ZNF385D: variants seen among roughly 807,000 people sequenced by gnomAD.
The protein encoded by ZNF385D is zinc finger protein 385D, also known as zinc finger protein 659.
In ZNF385D, 15 loss-of-function variants were observed where a neutral mutation model predicts 35.8. The ratio of observed to expected loss-of-function variants is 0.42; its 90% CI spans 0.28 to 0.64. ZNF385D has a LOEUF of 0.64. Among genes scored for constraint, ZNF385D ranks in the 30% least tolerant of loss-of-function variants. The pLI is 0.23. For missense variants in ZNF385D, 474 were observed against 494.6 expected (o/e 0.96, Z 0.39); for synonymous variants, 212 against 186.8 (o/e 1.13, Z -1.10).
chr3:21,617,731 T>C (rs901014900), intron 2 of ZNF385D, among the ~76,000 whole-genome samples: 1 of 152,114 alleles, frequency 6.6e-6, no homozygotes, highest in South Asian at 2.1e-4. Context: ...TTGATGTCTA[T>C]CAAACTGTTT....
chr3:22,215,465 T>G lies in ZNF385D; in HGVS notation c.107-46430A>C, dbSNP rs144048151. ...TGGCTGCTTCAGGGGGCGGCCGTCT[T>G]TTATGGTCGAGCTGTAAGGATGAAA... On this transcript the variant is annotated intron_variant, in intron 2 of 5. Coordinates refer to the ZNF385D transcript ENST00000494108. Among the ~76,000 whole-genome samples, 13 of 152,010 alleles carry G rather than the reference T, an allele frequency of 8.6e-5. No homozygotes were observed. The East Asian group carries it at 2.3e-3, about 27-fold the overall frequency.
intron 1 of ZNF385D, among the ~76,000 whole-genome samples, chr3:21,739,667 T>G (rs1315779826): frequency 2.6e-5 from 4 of 152,198 alleles, no homozygotes; most frequent in Non-Finnish European, 5.9e-5. Flanking sequence ...TTGCCCATCA[T>G]AACAAGGGCA....
At chr3:21,630,791 A>G (rs2065258795) in intron 2 of ZNF385D, among the ~76,000 whole-genome samples, 1 of 152,152 alleles carries the variant, frequency 6.6e-6, no homozygotes, top group Non-Finnish European at 1.5e-5. Context: ...ATATCTATTG[A>G]GCACACATTA....
chr3:21,672,639 G>A (rs765673369), intron 1 of ZNF385D, among the ~76,000 whole-genome samples: 2 of 152,130 alleles, frequency 1.3e-5, no homozygotes, highest in Non-Finnish European at 2.9e-5. Flanking sequence ...AAGTGATCTG[G>A]GTTTCCCCTT....
chr3:21,706,530 C>A (rs920370743), intron 1 of ZNF385D, among the ~76,000 whole-genome samples: 2 of 152,146 alleles, frequency 1.3e-5, no homozygotes, highest in South Asian at 4.1e-4. Context: ...TTGTAGCTGG[C>A]CCCTTAACTA....
chr3:21,587,299 A>G (rs991253095), intron 2 of ZNF385D, among the ~76,000 whole-genome samples: 1 of 152,234 alleles, frequency 6.6e-6, no homozygotes, highest in Non-Finnish European at 1.5e-5. Flanking sequence ...AGTTAAAAAG[A>G]CAAGAAGTTT....
chr3:22,016,702 C>G (rs892796517), intron 3 of ZNF385D, among the ~76,000 whole-genome samples: 4 of 151,944 alleles, frequency 2.6e-5, no homozygotes, highest in Admixed American at 2.6e-4. Flanking sequence ...GGAGAGTCAT[C>G]TGGACTTCCA....
chr3:21,656,048 G>T (rs746116831), intron 2 of ZNF385D, among the ~76,000 whole-genome samples: 3 of 151,898 alleles, frequency 2.0e-5, no homozygotes, highest in Non-Finnish European at 4.4e-5. Context: ...AGGGTAGGGG[G>T]TGCTAAACTA....
At chr3:22,007,757 G>A (rs953923235) in intron 3 of ZNF385D, among the ~76,000 whole-genome samples, 16 of 151,912 alleles carry the variant, frequency 1.1e-4, no homozygotes, top group African/African-American at 3.4e-4. Flanking sequence ...ACTTGTATAA[G>A]AGCCATTTTT....
intron 3 of ZNF385D, among the ~76,000 whole-genome samples, chr3:21,903,482 T>C (rs1699517624): frequency 6.6e-6 from 1 of 152,106 alleles, no homozygotes; most frequent in African/African-American, 2.4e-5. Context: ...TCTCAGGCAG[T>C]CAAAAGGCCA....
At chr3:21,892,608 A>C (rs1172061759) in intron 3 of ZNF385D, among the ~76,000 whole-genome samples, 1 of 152,178 alleles carries the variant, frequency 6.6e-6, no homozygotes, top group Non-Finnish European at 1.5e-5. Context: ...CTACCAAAAC[A>C]AGTCCTATTT....
chr3:22,003,604 C>G (rs1489193626), intron 3 of ZNF385D, among the ~76,000 whole-genome samples: 1 of 152,130 alleles, frequency 6.6e-6, no homozygotes, highest in African/African-American at 2.4e-5. Flanking sequence ...CAGTAGCTCA[C>G]CCCTGTAATG....
intron 2 of ZNF385D, among the ~76,000 whole-genome samples, chr3:22,250,956 G>A (rs1392467875): frequency 7.9e-5 from 12 of 151,964 alleles, no homozygotes; most frequent in Non-Finnish European, 5.9e-5. Flanking sequence ...GGGTTTTCAC[G>A]TTTCTCTGCC....
chr3:22,107,233 G>A (rs550073976), intron 3 of ZNF385D, among the ~76,000 whole-genome samples: 6 of 151,734 alleles, frequency 4.0e-5, no homozygotes, highest in Admixed American at 3.9e-4. Flanking sequence ...ATGTTGTTCA[G>A]GCTGGTCTCG....
chr3:21,527,077 G>T (rs1037958615), intron 3 of ZNF385D, among the ~76,000 whole-genome samples: 2 of 151,968 alleles, frequency 1.3e-5, no homozygotes, highest in African/African-American at 2.4e-5. Flanking sequence ...GTACAAATAA[G>T]GAAAAGGTGT....
At chr3:21,736,206 T>A (rs1337414132) in intron 1 of ZNF385D, among the ~76,000 whole-genome samples, 1 of 152,198 alleles carries the variant, frequency 6.6e-6, no homozygotes, top group Admixed American at 6.5e-5. Flanking sequence ...AATGAGTGCA[T>A]GTTTGTAAAC....
chr3:21,700,187 AGGTTGTGGG>A (rs2067627815), intron 1 of ZNF385D, among the ~76,000 whole-genome samples: 1 of 152,140 alleles, frequency 6.6e-6, no homozygotes, highest in African/African-American at 2.4e-5. Flanking sequence ...TGTCGGGGCC[AGGTTGTGGG>A]GGTAAAGGGG....
In ZNF385D at chr3:21,545,734, T is replaced by C. The variant is rs1486623692; in HGVS notation, c.276+18840A>G. Among the ~76,000 whole-genome samples the C allele has an allele frequency of 3.9e-5, 6 of 152,166 alleles. No homozygotes were observed. In the East Asian group the frequency reaches 1.2e-3, roughly 29 times the overall value. On this transcript the variant is annotated intron_variant, in intron 3 of 7. Coordinates refer to ENST00000281523, the MANE Select transcript of ZNF385D (RefSeq NM_024697.3). ...TTCGACTTACAGAGCCGATAAAAGC[T>C]CCATGGGAGACTGGCCTGAGACCCT...
chr3:21,578,253 A>G (rs978811001), intron 2 of ZNF385D, among the ~76,000 whole-genome samples: 1 of 152,130 alleles, frequency 6.6e-6, no homozygotes, highest in Non-Finnish European at 1.5e-5. Flanking sequence ...ATAGTTTGCA[A>G]ATATTTTCCT....
Sources: gnomAD v4.1 joint callset for allele counts (sites outside exome capture counted in the v4.1 genomes callset) on GRCh38, gnomAD v4.1.1 for gene constraint, MANE v1.5 for transcripts, NCBI Gene and HGNC (gene_info 2026-07-23, HGNC 2026-07-21) for gene names.